Variants in UGCG observed in about 807,000 individuals in gnomAD.
UGCG encodes the protein UDP-glucose ceramide glucosyltransferase, also known as ceramide glucosyltransferase.
A neutral mutation model predicts 49.5 loss-of-function variants in UGCG; 10 were observed. The observed-to-expected ratio is 0.20, with a 90% confidence interval of 0.12 to 0.34. UGCG has a LOEUF of 0.34. Ranked by LOEUF, UGCG falls within the 10% of genes least tolerant of loss-of-function variation. The pLI is 1.00. For missense variants in UGCG, 312 were observed against 483.7 expected (o/e 0.65, Z 3.33); for synonymous variants, 182 against 158.2 (o/e 1.15, Z -1.13).
rs386621 is a variant in UGCG at position 111,926,713 on chromosome 9, C to T, written c.558+217C>T. 9.0e-3 allele frequency among the ~76,000 whole-genome samples: 1,364 copies of T among 152,124 alleles called. 11 individuals are homozygous for T. The highest frequency in any genetic ancestry group is 0.014 in the Non-Finnish European group (962 of 68,002). On this transcript the variant is annotated intron_variant, in intron 5 of 8. Transcript: ENST00000374279. Reference sequence around the variant, plus strand: ...TGTACCCTGGCAGTGAACAGCTGTGCGCAGGAAATGCCTGCGGTCTTATTG... The same window carrying T: ...TGTACCCTGGCAGTGAACAGCTGTGTGCAGGAAATGCCTGCGGTCTTATTG...
At chr9:111,914,879 T>C (rs2118540831) in intron 2 of UGCG, 133 bp downstream of exon 2, 3 of 1,286,936 alleles carry the variant, frequency 2.3e-6, no homozygotes, top group East Asian at 2.5e-5. Flanking sequence ...TCATAAAATA[T>C]AACCTTTAGT....
At chr9:111,931,013 G>A (rs977015632) in intron 6 of UGCG, among the ~76,000 whole-genome samples, 4 of 152,012 alleles carry the variant, frequency 2.6e-5, no homozygotes, top group Non-Finnish European at 4.4e-5. Flanking sequence ...CAAAATGACT[G>A]CATTTTAAGT....
At chr9:111,921,425 G>A (rs955830939) in intron 2 of UGCG, among the ~76,000 whole-genome samples, 26 of 152,082 alleles carry the variant, frequency 1.7e-4, no homozygotes, top group South Asian at 1.7e-3. Flanking sequence ...GCAGAGGCAA[G>A]CAGATCCCAA....
chr9:111,919,531 C>T (rs1838178639), intron 2 of UGCG, among the ~76,000 whole-genome samples: 1 of 151,632 alleles, frequency 6.6e-6, no homozygotes, highest in Admixed American at 6.6e-5. Context: ...GTGGCTCACA[C>T]CTGTAATCCC....
At chr9:111,904,018 G>A (rs926163782) in intron 1 of UGCG, among the ~76,000 whole-genome samples, 6 of 152,120 alleles carry the variant, frequency 3.9e-5, no homozygotes, top group African/African-American at 1.4e-4. Flanking sequence ...ATTGGTTCAG[G>A]CATCAGTATT....
chr9:111,910,189 T>A (rs1480596314), intron 1 of UGCG, among the ~76,000 whole-genome samples: 1 of 152,228 alleles, frequency 6.6e-6, no homozygotes, highest in Non-Finnish European at 1.5e-5. Flanking sequence ...TACCAAAATG[T>A]AATCGCCTCT....
chr9:111,923,344 A>G (rs1838260010), intron 3 of UGCG, among the ~76,000 whole-genome samples: 1 of 145,316 alleles, frequency 6.9e-6, no homozygotes, highest in East Asian at 2.0e-4. Flanking sequence ...AGACTTGTAG[A>G]GGTGTGTTTG....
chr9:111,928,107 A>T (rs1838357444), intron 5 of UGCG, among the ~76,000 whole-genome samples: 1 of 152,206 alleles, frequency 6.6e-6, no homozygotes, highest in Admixed American at 6.5e-5. Flanking sequence ...CTGCATTTAT[A>T]TTCTTTTGAA....
intron 1 of UGCG, among the ~76,000 whole-genome samples, chr9:111,901,918 AAT>A (rs1438147129): frequency 6.6e-6 from 1 of 152,142 alleles, no homozygotes; most frequent in African/African-American, 2.4e-5. Context: ...CTGGATTACT[AAT>A]CTTGGATCAC....
intron 5 of UGCG, among the ~76,000 whole-genome samples, chr9:111,927,448 T>G (rs1470482662): frequency 1.3e-5 from 2 of 151,902 alleles, no homozygotes; most frequent in Non-Finnish European, 2.9e-5. Context: ...GTTTTTTTGT[T>G]TTTTTTGTTT....
At chr9:111,906,063 TG>T in intron 1 of UGCG, among the ~76,000 whole-genome samples, 1 of 152,356 alleles carries the variant, frequency 6.6e-6, no homozygotes, top group South Asian at 2.1e-4. Context: ...TTGGTATGCT[TG>T]TGAAAAATGC....
Position 111,934,706 on chromosome 9 carries a change from T to TTCA in UGCG, c.*1712_*1714dup, listed in dbSNP as rs1356182781. Reference sequence around the variant, plus strand: ...TAAGCTTTTCTCTGGGCCAAACTGCTTCATCCTTTTTTCTTTCTTTTTTTT... The same window carrying TTCA: ...TAAGCTTTTCTCTGGGCCAAACTGCTTCATCATCCTTTTTTCTTTCTTTTTTTT... On this transcript the variant is annotated 3_prime_UTR_variant, in exon 9 of 9. Transcript: ENST00000374279. The TTCA allele has an allele frequency of 7.1e-6, 1 of 141,372 alleles. No individual in the cohort carries two copies. The highest frequency in any genetic ancestry group is 7.4e-5 in the Admixed American group (1 of 13,478). The allele number at this position is 141,372 out of a possible 1,614,324, so 8.8% of individuals were successfully genotyped here.
chr9:111,909,684 A>G (rs1685874324), intron 1 of UGCG, among the ~76,000 whole-genome samples: 2 of 152,234 alleles, frequency 1.3e-5, no homozygotes, highest in African/African-American at 4.8e-5. Context: ...GTCATGGAGT[A>G]CCACTGTGTG....
At chr9:111,898,058 C>A (rs1163815913) in intron 1 of UGCG, among the ~76,000 whole-genome samples, 1 of 149,106 alleles carries the variant, frequency 6.7e-6, no homozygotes, top group Non-Finnish European at 1.5e-5. Context: ...GAATTCCTGT[C>A]CTCATGAGTC....
chr9:111,902,867 T>G (rs551871738), intron 1 of UGCG, among the ~76,000 whole-genome samples: 10 of 151,930 alleles, frequency 6.6e-5, no homozygotes, highest in Non-Finnish European at 1.3e-4. Flanking sequence ...AACCTCCGCC[T>G]TCTGGGTTTG....
intron 2 of UGCG, among the ~76,000 whole-genome samples, chr9:111,920,933 C>T (rs1478729282): frequency 6.7e-6 from 1 of 150,230 alleles, no homozygotes; most frequent in African/African-American, 2.4e-5. Context: ...GATGGAGTCT[C>T]GCTCTGTCGC....
rs1027629398 is a variant in UGCG at position 111,935,188 on chromosome 9, T to C, written c.*2191T>C. ...GATTCTTTGTTTAGCAAGCTTGGAG[T>C]GATGATAAAATGGTAAGAAATAATA... On this transcript the variant is annotated 3_prime_UTR_variant, in exon 9 of 9. Transcript: ENST00000374279. The C allele has an allele frequency of 1.3e-5, 2 of 152,084 alleles. No homozygotes were observed. Among genetic ancestry groups the C allele is most frequent in the African/African-American group, 4.8e-5 (2 of 41,406 alleles). 9.4% of individuals were successfully genotyped at this position (152,084 alleles called of 1,614,324 possible). A position where few individuals can be genotyped will look rare whatever the true frequency, so the allele number is the denominator to read the frequency against.
intron 1 of UGCG, among the ~76,000 whole-genome samples, chr9:111,912,548 A>C (rs1303321035): frequency 6.6e-6 from 1 of 152,038 alleles, no homozygotes; most frequent in Non-Finnish European, 1.5e-5. Context: ...ACTGCACTCC[A>C]GCCTGGGTCG....
At chr9:111,903,128 A>C (rs1837810297) in intron 1 of UGCG, among the ~76,000 whole-genome samples, 1 of 152,208 alleles carries the variant, frequency 6.6e-6, no homozygotes, top group Non-Finnish European at 1.5e-5. Context: ...AGGTTGCTGC[A>C]GAGGCTGCTT....
Sources: gnomAD v4.1 joint callset for allele counts (sites outside exome capture counted in the v4.1 genomes callset) on GRCh38, gnomAD v4.1.1 for gene constraint, MANE v1.5 for transcripts, NCBI Gene and HGNC (gene_info 2026-07-23, HGNC 2026-07-21) for gene names.